Variants in CYP4B1 observed in about 807,000 individuals in gnomAD.
The protein encoded by CYP4B1 is cytochrome P450 family 4 subfamily B member 1.
In CYP4B1, 45 loss-of-function variants were observed where a neutral mutation model predicts 54.0. The ratio of observed to expected loss-of-function variants is 0.83; its 90% CI spans 0.66 to 1.07. CYP4B1 has a LOEUF of 1.07. CYP4B1 is among the 50% of genes least tolerant of loss of function. CYP4B1 has a pLI of 0.00. For missense variants in CYP4B1, 656 were observed against 655.4 expected (o/e 1.00, Z -0.01); for synonymous variants, 248 against 247.5 (o/e 1.00, Z -0.02).
At chr1:46,816,319 C>A (rs1679331093) in intron 8 of CYP4B1, among the ~76,000 whole-genome samples, 1 of 151,986 alleles carries the variant, frequency 6.6e-6, no homozygotes, top group African/African-American at 2.4e-5. Flanking sequence ...AAAATTCAGG[C>A]AAAGAGAGAG....
Position 46,817,176 on chromosome 1 carries a change from C to G in CYP4B1, c.1202C>G (p.Pro401Arg), listed in dbSNP as rs773803897. Residue 401 changes from proline (P) to arginine (R), a missense_variant, in exon 9 of 12, where the codon CCT becomes CGT. Coordinates refer to ENST00000371923, the MANE Select transcript of CYP4B1 (RefSeq NM_001099772.2). Reference protein sequence around the residue: ...PVTFVDGRSLPAGSLISMHIY... With the variant: ...PVTFVDGRSLRAGSLISMHIY... ...ACCTTTGTGGATGGCCGGTCTCTAC[C>G]TGCAGGTGGGATGGGTGGATTTGGG... The G allele has an allele frequency of 6.2e-7, 1 of 1,614,140 alleles. No homozygotes were observed. Among genetic ancestry groups the G allele is most frequent in the South Asian group, 1.1e-5 (1 of 91,074 alleles).
rs1679437347 is a variant in CYP4B1, at chr1:46,818,708, C to T, written c.1433C>T (p.Ser478Phe). ...TAMCLLRFEF[S>F]LDPSRLPIKM... is the part of the protein sequence containing the mutation. ...ATGTGCTTGCTCCGCTTTGAGTTCT[C>T]TCTGGACCCCTCACGGCTGCCCATC... The change falls in exon 12 of 12, where the codon TCT becomes TTT. Residue 478 changes from serine (S) to phenylalanine (F), a missense_variant. Ser to Phe is a radical substitution (Grantham distance 155). Transcript: ENST00000371923. The T allele has an allele frequency of 6.2e-7, 1 of 1,614,206 alleles. No individual in the cohort carries two copies. The highest frequency in any genetic ancestry group is 8.5e-7 in the Non-Finnish European group (1 of 1,180,034).
rs1557504831 is a variant in CYP4B1 at position 46,817,992 on chromosome 1, C to T, written c.1235C>T (p.Ala412Val). 1.2e-6 allele frequency: 2 copies of T among 1,614,186 alleles called. No individual in the cohort carries two copies. Among genetic ancestry groups the T allele is most frequent in the Middle Eastern group, 1.6e-4 (1 of 6,062 alleles). ...AGSLISMHIY[A>V]LHRNSAVWPD... ...AGCCTGATCTCTATGCATATCTATG[C>T]CCTCCATAGGAACAGTGCTGTATGG... Residue 412 changes from alanine to valine, a missense_variant, in exon 10 of 12, where the codon GCC becomes GTC. Physicochemically the swap from Ala to Val is moderately conservative, Grantham distance 64. Coordinates refer to ENST00000371923, the MANE Select transcript of CYP4B1 (RefSeq NM_001099772.2).
At chr1:46,814,608 C>CTTCA (rs199635733) in intron 7 of CYP4B1, 98 of 382,536 alleles carry the variant, frequency 2.6e-4, no homozygotes, top group East Asian at 6.6e-4. Context: ...GAATCTTAGA[C>CTTCA]TTCATTCATT....
intron 7 of CYP4B1, 48 bp from the exon 8 acceptor site, chr1:46,815,026 C>T (rs759843798): frequency 6.5e-7 from 1 of 1,547,438 alleles, no homozygotes; most frequent in Non-Finnish European, 8.9e-7. Flanking sequence ...CTTCTTGTTA[C>T]CCACCTCCAA....
intron 1 of CYP4B1, among the ~76,000 whole-genome samples, chr1:46,801,294 A>C (rs1340605726): frequency 1.3e-5 from 2 of 152,040 alleles, no homozygotes; most frequent in Non-Finnish European, 2.9e-5. Flanking sequence ...ATTTAGAGAG[A>C]ACTTTCTCCC....
rs563755426 is a variant in CYP4B1, at chr1:46,818,335, G to T, written c.1355+122G>T. 51 of 956,280 alleles carry T rather than the reference G, an allele frequency of 5.3e-5. No homozygotes were observed. In the East Asian group the frequency reaches 1.2e-3, roughly 23 times the overall value. 59.2% of individuals were successfully genotyped at this position (956,280 alleles called of 1,614,324 possible). The stretch of plus-strand genomic sequence containing the variant: ...GGGGAATCATGCTGGGTTTGTGGTG[G>T]TTCTAATGCAGGAGGCTTCTTCTTG... On this transcript the variant is annotated intron_variant, in intron 11 of 11. Coordinates refer to ENST00000371923, the MANE Select transcript of CYP4B1 (RefSeq NM_001099772.2).
rs1368735166 is a variant in CYP4B1, at chr1:46,818,010, C to G, written c.1253C>G (p.Ala418Gly). The change falls in exon 10 of 12, where the codon GCT becomes GGT. Residue 418 changes from alanine (A) to glycine (G), a missense_variant. Transcript: ENST00000371923. ...MHIYALHRNS[A>G]VWPDPEVFDS... is the part of the protein sequence containing the mutation. ...ATCTATGCCCTCCATAGGAACAGTG[C>G]TGTATGGCCCGACCCTGAGGTACCC... The G allele has an allele frequency of 6.2e-7, 1 of 1,614,198 alleles. No individual in the cohort carries two copies. The highest frequency in any genetic ancestry group is 1.3e-5 in the African/African-American group (1 of 75,066).
intron 6 of CYP4B1, 31 bp downstream of exon 6, chr1:46,814,094 G>A: frequency 6.2e-7 from 1 of 1,612,972 alleles, no homozygotes; most frequent in African/African-American, 1.3e-5. Flanking sequence ...TCACCTCTAG[G>A]AAGCCTGGGT....
intron 7 of CYP4B1, 58 bp from the exon 8 acceptor site, chr1:46,815,013 GTTC>G (rs1361531891): frequency 8.1e-6 from 12 of 1,480,596 alleles, no homozygotes; most frequent in South Asian, 6.9e-5. Context: ...ACCATTATGA[GTTC>G]TTCTTGTTAC....
At chr1:46,807,208 G>A (rs7546021) in intron 1 of CYP4B1, among the ~76,000 whole-genome samples, 4 of 152,132 alleles carry the variant, frequency 2.6e-5, no homozygotes. Flanking sequence ...AGCTGGCTGC[G>A]ACCTCGATCA....
chr1:46,809,017 C>G (rs1678978835), intron 1 of CYP4B1, among the ~76,000 whole-genome samples: 1 of 149,862 alleles, frequency 6.7e-6, no homozygotes, highest in African/African-American at 2.5e-5. Flanking sequence ...ATACATAATG[C>G]TAGATGACGA....
rs1363717411 is a variant in CYP4B1 at position 46,815,089 on chromosome 1, A to G, written c.898A>G (p.Lys300Glu). The G allele has an allele frequency of 2.5e-6, 4 of 1,614,166 alleles. No homozygotes were observed. The Admixed American group carries it at 6.7e-5, about 27-fold the overall frequency. Residue 300 changes from lysine (K) to glutamate (E), a missense_variant, in exon 8 of 12, where the codon AAA (lysine) becomes GAA (glutamate). Coordinates refer to ENST00000371923, the MANE Select transcript of CYP4B1 (RefSeq NM_001099772.2). Reference sequence around the variant, plus strand: ...CCTAACCCAGGATGAAGATGACATCAAACTGTCAGATGCAGACCTCCGGGC... The same window carrying G: ...CCTAACCCAGGATGAAGATGACATCGAACTGTCAGATGCAGACCTCCGGGC... ...LLGARDEDDI[K>E]LSDADLRAEV...
At position 46,799,415 on chromosome 1, in the gene CYP4B1, C is replaced by T. The variant is rs527721711; in HGVS notation, c.180+154C>T. On this transcript the variant is annotated intron_variant, in intron 1 of 11. Coordinates refer to ENST00000371923, the MANE Select transcript of CYP4B1 (RefSeq NM_001099772.2). Reference sequence around the variant, plus strand: ...CATGGCTTCCATTCAGCTTTCCCACCGGAATTTCTCCTTCACTCCAGCCTT... The same window carrying T: ...CATGGCTTCCATTCAGCTTTCCCACTGGAATTTCTCCTTCACTCCAGCCTT... Among the ~76,000 whole-genome samples the T allele has an allele frequency of 5.0e-4, 76 of 152,274 alleles. 1 individual carries two copies. The Middle Eastern group carries it at 0.01, about 20-fold the overall frequency.
At chr1:46,802,302 T>A (rs954081852) in intron 1 of CYP4B1, among the ~76,000 whole-genome samples, 1 of 152,136 alleles carries the variant, frequency 6.6e-6, no homozygotes, top group Non-Finnish European at 1.5e-5. Flanking sequence ...GCCCTTGACC[T>A]TGTGCTGTGT....
intron 8 of CYP4B1, among the ~76,000 whole-genome samples, chr1:46,816,597 C>CAT (rs1221164251): frequency 2.0e-5 from 3 of 152,068 alleles, no homozygotes; most frequent in Non-Finnish European, 4.4e-5. Flanking sequence ...CACACACACA[C>CAT]ACACACACTT....
chr1:46,807,929 T>G (rs2148401002), intron 1 of CYP4B1, among the ~76,000 whole-genome samples: 1 of 152,366 alleles, frequency 6.6e-6, no homozygotes, highest in African/African-American at 2.4e-5. Flanking sequence ...ACAACATGGA[T>G]GTCTTAGTCC....
In CYP4B1 at chr1:46,815,136, T is replaced by C; in HGVS notation, c.945T>C (p.Phe315=). 1.2e-6 allele frequency: 2 copies of C among 1,614,228 alleles called. No individual in the cohort carries two copies. Among genetic ancestry groups the C allele is most frequent in the African/African-American group, 1.3e-5 (1 of 75,058 alleles). The part of the protein sequence containing the change: ...DLRAEVDTFM[F]EGHDTTTSGI... ...GGGCTGAAGTGGACACATTCATGTTTGAAGGCCATGACACCACCACCAGTG... is the reference window on the plus strand; with the variant it reads ...GGGCTGAAGTGGACACATTCATGTTCGAAGGCCATGACACCACCACCAGTG... Residue 315 remains phenylalanine, a synonymous_variant, in exon 8 of 12, where the codon TTT becomes TTC. Coordinates refer to ENST00000371923, the MANE Select transcript of CYP4B1 (RefSeq NM_001099772.2).
chr1:46,807,798 G>A (rs1678919986), intron 1 of CYP4B1, among the ~76,000 whole-genome samples: 1 of 152,222 alleles, frequency 6.6e-6, no homozygotes, highest in Non-Finnish European at 1.5e-5. Context: ...ACGGGTGGCT[G>A]GAGGCCAAAA....
Sources: allele counts gnomAD v4.1 joint callset (sites outside exome capture counted in the v4.1 genomes callset), GRCh38; gene constraint gnomAD v4.1.1; transcripts MANE v1.5; gene names NCBI Gene and HGNC (gene_info 2026-07-23, HGNC 2026-07-21).